The following ADAM12 variants were observed in gnomAD, a reference collection of about 807,000 sequenced individuals.
ADAM12 encodes the protein disintegrin and metalloproteinase domain-containing protein 12.
Under a neutral mutation model 106.4 loss-of-function variants are expected in ADAM12, and 70 were observed. The observed-to-expected ratio is 0.66, with a 90% CI of 0.54 to 0.80. The LOEUF (loss-of-function observed/expected upper bound fraction) is 0.80, where lower values mean the gene tolerates loss of function less well. ADAM12 is among the 30% of genes least tolerant of loss of function. The probability of loss-of-function intolerance (pLI) is 0.00; values close to 1 mark genes in which losing one functional copy is unlikely to be tolerated. For missense variants in ADAM12, 1,010 were observed against 1,171.9 expected (o/e 0.86, Z 2.02); for synonymous variants, 420 against 433.5 (o/e 0.97, Z 0.39).
intron 5 of ADAM12, among the ~76,000 whole-genome samples, chr10:126,129,798 T>C (rs1956271408): frequency 6.6e-6 from 1 of 152,256 alleles, no homozygotes; most frequent in South Asian, 2.1e-4. Context: ...ATTTTCCATG[T>C]TGTACTTCAT....
chr10:126,315,355 G>A (rs1291118854), intron 2 of ADAM12, among the ~76,000 whole-genome samples: 2 of 152,048 alleles, frequency 1.3e-5, no homozygotes, highest in Non-Finnish European at 2.9e-5. Context: ...CTCTTTCCTC[G>A]TAATGCCTGC....
chr10:126,288,523 C>T (rs1416190351), intron 2 of ADAM12, among the ~76,000 whole-genome samples: 1 of 152,152 alleles, frequency 6.6e-6, no homozygotes, highest in Non-Finnish European at 1.5e-5. Context: ...ATGCAAAATA[C>T]AAGGTAAAGA....
chr10:126,090,412 A>T (rs1228179506), intron 11 of ADAM12, among the ~76,000 whole-genome samples: 3 of 151,826 alleles, frequency 2.0e-5, no homozygotes, highest in Non-Finnish European at 4.4e-5. Context: ...TACGCTAAAT[A>T]TTCTTTGCTA....
chr10:126,079,751 C>T (rs1955176781), intron 11 of ADAM12, among the ~76,000 whole-genome samples: 1 of 152,168 alleles, frequency 6.6e-6, no homozygotes, highest in Admixed American at 6.5e-5. Context: ...CTCTCTTGTC[C>T]CATCTTCTAA....
At position 126,314,574 on chromosome 10, in the gene ADAM12, G is replaced by A. The variant is rs539856438; in HGVS notation, c.186+15838C>T. 1.9e-4 allele frequency among the ~76,000 whole-genome samples: 29 copies of A among 152,190 alleles called. No individual in the cohort carries two copies. In the South Asian group the frequency reaches 4.8e-3, roughly 25 times the overall value. On this transcript the variant is annotated intron_variant, in intron 2 of 22. Coordinates refer to ENST00000448723, the MANE Select transcript of ADAM12 (RefSeq NM_001288973.2). Reference sequence around the variant, plus strand: ...AAGAGATACGACATGGACATTTTCAGGAAAAGAAGATTTGTCTGAGAGCCC... The same window carrying A: ...AAGAGATACGACATGGACATTTTCAAGAAAAGAAGATTTGTCTGAGAGCCC...
chr10:126,275,319 T>C (rs1959216127), intron 3 of ADAM12, among the ~76,000 whole-genome samples: 1 of 152,338 alleles, frequency 6.6e-6, no homozygotes, highest in African/African-American at 2.4e-5. Flanking sequence ...GTTATCAACC[T>C]GGTTTCTACA....
intron 17 of ADAM12, among the ~76,000 whole-genome samples, chr10:126,045,483 C>T (rs1254029796): frequency 6.6e-6 from 1 of 152,202 alleles, no homozygotes; most frequent in Admixed American, 6.5e-5. Context: ...AAATGAACCT[C>T]TGGTGTGGTT....
intron 2 of ADAM12, among the ~76,000 whole-genome samples, chr10:126,301,793 C>T (rs1960636607): frequency 6.6e-6 from 1 of 152,218 alleles, no homozygotes; most frequent in African/African-American, 2.4e-5. Flanking sequence ...GGTCTACTCT[C>T]TTCCCATCCA....
intron 21 of ADAM12, among the ~76,000 whole-genome samples, chr10:126,024,187 A>G (rs116365703): frequency 0.015 from 2,304 of 152,310 alleles, 62 homozygotes; most frequent in African/African-American, 0.052. Context: ...CACTATATTA[A>G]TGGATACATA....
chr10:126,233,975 T>C (rs965829124), intron 3 of ADAM12, among the ~76,000 whole-genome samples: 1 of 152,200 alleles, frequency 6.6e-6, no homozygotes, highest in African/African-American at 2.4e-5. Context: ...TTTGCGTGTG[T>C]ATGATGGGAA....
intron 3 of ADAM12, among the ~76,000 whole-genome samples, chr10:126,270,401 G>A (rs1488951372): frequency 6.6e-6 from 1 of 152,208 alleles, no homozygotes; most frequent in African/African-American, 2.4e-5. Flanking sequence ...GAATTTCCCT[G>A]CTAGCCCCAG....
Position 126,064,758 on chromosome 10 carries a change from A to C in ADAM12, c.1609+48T>G, listed in dbSNP as rs1954829782. 6.5e-7 allele frequency: 1 copy of C among 1,540,438 alleles called. No individual in the cohort carries two copies. The highest frequency in any genetic ancestry group is 8.7e-7 in the Non-Finnish European group (1 of 1,142,864). On this transcript the variant is annotated intron_variant, in intron 14 of 22. Transcript: ENST00000448723. This position sits in a 1 kb window ranked among gnomAD's most constrained non-coding sequence, Gnocchi z 4.4. ...GCACATGCCCCCAGTCCCACAGCCC[A>C]GGTCTGCCAGTGCCTCTCCTGATGC...
intron 1 of ADAM12, among the ~76,000 whole-genome samples, chr10:126,345,154 A>G (rs371524455): frequency 2.6e-5 from 4 of 151,780 alleles, no homozygotes; most frequent in Non-Finnish European, 5.9e-5. Context: ...GATATTGGCT[A>G]TGGGTTTGTC....
chr10:126,172,083 T>G (rs1363745975), intron 3 of ADAM12, among the ~76,000 whole-genome samples: 1 of 152,210 alleles, frequency 6.6e-6, no homozygotes, highest in South Asian at 2.1e-4. Flanking sequence ...AGTTTCATTT[T>G]AAAAAATACT....
At chr10:126,176,472 T>C (rs1305605440) in intron 3 of ADAM12, among the ~76,000 whole-genome samples, 1 of 152,190 alleles carries the variant, frequency 6.6e-6, no homozygotes, top group Non-Finnish European at 1.5e-5. Context: ...AAGACACATT[T>C]CGAGGAGAGG....
At chr10:126,201,009 T>G (rs1957689705) in intron 3 of ADAM12, among the ~76,000 whole-genome samples, 1 of 152,138 alleles carries the variant, frequency 6.6e-6, no homozygotes, top group African/African-American at 2.4e-5. Flanking sequence ...TAATAGGACG[T>G]GATCCTAGAA....
At chr10:126,317,413 T>A (rs889264953) in intron 2 of ADAM12, among the ~76,000 whole-genome samples, 2 of 152,200 alleles carry the variant, frequency 1.3e-5, no homozygotes, top group Admixed American at 6.5e-5. Flanking sequence ...AGAAGACCCT[T>A]AGTACCTCTG....
At chr10:126,245,578 A>G (rs907634785) in intron 3 of ADAM12, among the ~76,000 whole-genome samples, 7 of 152,108 alleles carry the variant, frequency 4.6e-5, no homozygotes, top group Admixed American at 1.3e-4. Flanking sequence ...TCCCAGAGGA[A>G]GCCTAAAGAA....
Position 126,149,650 on chromosome 10 carries a change from G to A in ADAM12, c.339+5577C>T, listed in dbSNP as rs145955170. On this transcript the variant is annotated intron_variant, in intron 4 of 22. Transcript: ENST00000448723. Reference sequence around the variant, plus strand: ...CAGAGGAATGTGGAAAGACTAGACTGGCTGAGTTTTCTGGCCTTTACCTTT... The same window carrying A: ...CAGAGGAATGTGGAAAGACTAGACTAGCTGAGTTTTCTGGCCTTTACCTTT... 2.8e-3 allele frequency among the ~76,000 whole-genome samples: 428 copies of A among 152,308 alleles called. 4 individuals are homozygous for A. The highest frequency in any genetic ancestry group is 9.4e-3 in the African/African-American group (391 of 41,562).
Sources: allele counts gnomAD v4.1 joint callset (sites outside exome capture counted in the v4.1 genomes callset), GRCh38; gene constraint gnomAD v4.1.1; non-coding constraint Gnocchi (gnomAD v3.1); transcripts MANE v1.5; gene names NCBI Gene and HGNC (gene_info 2026-07-23, HGNC 2026-07-21).